Variants in TXN observed in about 807,000 individuals in gnomAD.
TXN encodes the protein thioredoxin.
Under a neutral mutation model 16.5 loss-of-function variants are expected in TXN, and 10 were observed. The observed-to-expected ratio is 0.61, with a 90% CI of 0.37 to 1.03. TXN has a LOEUF of 1.03. Among genes scored for constraint, TXN ranks in the 50% least tolerant of loss-of-function variants. TXN has a pLI of 0.01. For synonymous variants in TXN, 35 were observed against 39.4 expected, an observed-to-expected ratio of 0.89 and a Z score of 0.42; for missense variants, 71 against 122.5, an observed-to-expected ratio of 0.58 and a Z score of 1.98.
At chr9:110,250,533 T>C (rs1837719514) in intron 3 of TXN, among the ~76,000 whole-genome samples, 2 of 152,232 alleles carry the variant, frequency 1.3e-5, no homozygotes, top group African/African-American at 2.4e-5. Context: ...TCTCCATTTA[T>C]TGCACATCTC....
At chr9:110,252,769 T>G (rs978808850) in intron 1 of TXN, among the ~76,000 whole-genome samples, 5 of 152,094 alleles carry the variant, frequency 3.3e-5, no homozygotes, top group African/African-American at 1.2e-4. Context: ...CTCAGCCTCC[T>G]GAGTAGCTGG....
chr9:110,247,720 A>G (rs1214403834), intron 3 of TXN, among the ~76,000 whole-genome samples: 1 of 152,250 alleles, frequency 6.6e-6, no homozygotes, highest in African/African-American at 2.4e-5. Context: ...CTACTTGATA[A>G]TAAACACCCA....
At chr9:110,251,290 C>G in intron 2 of TXN, 68 bp downstream of exon 2, 1 of 1,184,370 alleles carries the variant, frequency 8.4e-7, no homozygotes, top group Non-Finnish European at 1.3e-6. Flanking sequence ...GTCTTTCTTT[C>G]CTACCACTGT....
intron 3 of TXN, among the ~76,000 whole-genome samples, chr9:110,247,652 C>G (rs951283497): frequency 1.3e-5 from 2 of 152,188 alleles, no homozygotes; most frequent in Non-Finnish European, 2.9e-5. Context: ...CCTTTACTTT[C>G]TTAATAAACT....
chr9:110,255,936 G>T (rs1837803620), intron 1 of TXN, among the ~76,000 whole-genome samples: 1 of 152,178 alleles, frequency 6.6e-6, no homozygotes, highest in Admixed American at 6.5e-5. Context: ...TTCTGCAAGG[G>T]CCCTCCCTAT....
chr9:110,247,814 T>G (rs1007988617), intron 3 of TXN, among the ~76,000 whole-genome samples: 7 of 152,310 alleles, frequency 4.6e-5, no homozygotes, highest in Admixed American at 3.9e-4. Flanking sequence ...ACAGTTACTA[T>G]ACAACAGGCT....
intron 1 of TXN, among the ~76,000 whole-genome samples, chr9:110,254,102 C>T (rs1837775790): frequency 6.6e-6 from 1 of 151,756 alleles, no homozygotes. Context: ...TATTCCATTC[C>T]TCTCTGAAAT....
At chr9:110,249,923 T>C (rs772977698) in intron 3 of TXN, among the ~76,000 whole-genome samples, 7 of 152,108 alleles carry the variant, frequency 4.6e-5, no homozygotes, top group Non-Finnish European at 8.8e-5. Flanking sequence ...ACTGCACCCT[T>C]CCCCCATCGC....
At chr9:110,246,787 A>T (rs947308569) in intron 3 of TXN, among the ~76,000 whole-genome samples, 1 of 152,194 alleles carries the variant, frequency 6.6e-6, no homozygotes, top group African/African-American at 2.4e-5. Flanking sequence ...AGGCACAAGG[A>T]CAGTAATGGC....
rs767171958 is a variant in TXN at position 110,251,361 on chromosome 9, A to T, written c.126T>A (p.Phe42Leu). Residue 42 changes from phenylalanine to leucine, a missense_variant, in exon 2 of 5, where the codon TTT becomes TTA. Physicochemically the swap from Phe to Leu is conservative, Grantham distance 22 (BLOSUM62 0). Coordinates refer to ENST00000374517, the MANE Select transcript of TXN (RefSeq NM_003329.4). ...CGPCKMIKPF[F>L]HSLSEKYSNV... ...GCAGACATTGTTTAATACTCACATG[A>T]AAGAAAGGCTTGATCATTTTGCAAG... is the stretch of plus-strand genomic sequence containing the variant. 5 of 1,608,466 alleles carry T rather than the reference A, an allele frequency of 3.1e-6. No individual in the cohort carries two copies. Among genetic ancestry groups the T allele is most frequent in the Non-Finnish European group, 4.2e-6 (5 of 1,176,750 alleles).
intron 3 of TXN, among the ~76,000 whole-genome samples, chr9:110,247,197 C>A (rs914063742): frequency 6.6e-6 from 1 of 152,010 alleles, no homozygotes; most frequent in African/African-American, 2.4e-5. Flanking sequence ...GTAGCGGCTG[C>A]CTGTAGTCCC....
At chr9:110,250,075 G>T (rs922984276) in intron 3 of TXN, among the ~76,000 whole-genome samples, 6 of 152,222 alleles carry the variant, frequency 3.9e-5, no homozygotes, top group Non-Finnish European at 8.8e-5. Context: ...AGCATCCTCC[G>T]ATGGGTAGTG....
At chr9:110,253,034 C>T (rs1483417758) in intron 1 of TXN, among the ~76,000 whole-genome samples, 1 of 151,736 alleles carries the variant, frequency 6.6e-6, no homozygotes, top group East Asian at 1.9e-4. Context: ...TTCAAGGAAA[C>T]AATGCTGGTC....
chr9:110,249,414 G>A (rs1283557646), intron 3 of TXN, among the ~76,000 whole-genome samples: 2 of 152,088 alleles, frequency 1.3e-5, no homozygotes, highest in Non-Finnish European at 2.9e-5. Flanking sequence ...AGGCAGGTGT[G>A]CTAGGTGAAG....
At chr9:110,248,545 C>T (rs939666472) in intron 3 of TXN, among the ~76,000 whole-genome samples, 1 of 152,158 alleles carries the variant, frequency 6.6e-6, no homozygotes, top group African/African-American at 2.4e-5. Flanking sequence ...TGTAAGTACA[C>T]TCTATGTGTG....
At position 110,245,563 on chromosome 9, in the gene TXN, C is replaced by G. The variant is rs929028424; in HGVS notation, c.190-720G>C. On this transcript the variant is annotated intron_variant, in intron 3 of 4. Transcript: ENST00000374517. ...TAGCTGGGACTACAGGCACACGCCA[C>G]CACACCTGGCTAATTTTGTGTGTGT... Among the ~76,000 whole-genome samples the G allele has an allele frequency of 3.7e-5, 5 of 136,152 alleles. No homozygotes were observed. The Admixed American group carries it at 3.8e-4, about 10-fold the overall frequency. 89.3% of individuals were successfully genotyped at this position (136,152 alleles called of 152,430 possible). A position where few individuals can be genotyped will look rare whatever the true frequency, so the allele number is the denominator to read the frequency against.
chr9:110,244,700 A>T lies in TXN; in HGVS notation c.255+78T>A, dbSNP rs192547680. The stretch of plus-strand genomic sequence containing the variant: ...TGATATGCCTCAATCTTTAAAGGGA[A>T]CATCACTCCAGTGATTTATTCACTT... On this transcript the variant is annotated intron_variant, in intron 4 of 4. Transcript: ENST00000374517. 1,150 of 1,260,914 alleles carry T rather than the reference A, an allele frequency of 9.1e-4. 1 individual carries two copies. The highest frequency in any genetic ancestry group is 5.0e-3 in the Middle Eastern group (22 of 4,410). The allele number at this position is 1,260,914 out of a possible 1,614,324, so 78.1% of individuals were successfully genotyped here. A position where few individuals can be genotyped will look rare whatever the true frequency, so the allele number is the denominator to read the frequency against.
At chr9:110,254,385 G>C (rs558613259) in intron 1 of TXN, among the ~76,000 whole-genome samples, 1 of 152,304 alleles carries the variant, frequency 6.6e-6, no homozygotes, top group South Asian at 2.1e-4. Context: ...TGGGCATTTT[G>C]GCAGCGCATG....
At position 110,244,828 on chromosome 9, in the gene TXN, ACT is replaced by A; in HGVS notation, c.203_204del (p.Glu68ValfsTer2). On this transcript the variant is annotated frameshift_variant, in exon 4 of 5. Transcript: ENST00000374517. LOFTEE classifies it high-confidence loss of function. Reference protein sequence around the residue: ...DVDDCQDVASECEVKCMPTFQ... With the variant: ...DVDDCQDVASXCEVKCMPTFQ... ...AATGTTGGCATGCATTTGACTTCACACTCTGAAGCAACATCCTGGTAGGGAAA... is the reference window on the plus strand; with the variant it reads ...AATGTTGGCATGCATTTGACTTCACACTGAAGCAACATCCTGGTAGGGAAA... 6.2e-7 allele frequency: 1 copy of A among 1,612,966 alleles called. No individual in the cohort carries two copies. The highest frequency in any genetic ancestry group is 8.5e-7 in the Non-Finnish European group (1 of 1,179,188).
Sources: gnomAD v4.1 joint callset for allele counts (sites outside exome capture counted in the v4.1 genomes callset) on GRCh38, gnomAD v4.1.1 for gene constraint, MANE v1.5 for transcripts, NCBI Gene and HGNC (gene_info 2026-07-23, HGNC 2026-07-21) for gene names.